Variants in PTPRD observed in about 807,000 individuals in gnomAD.
The protein encoded by PTPRD is protein tyrosine phosphatase receptor type D.
In PTPRD, 34 loss-of-function variants were observed where a neutral mutation model predicts 214.5. The ratio of observed to expected loss-of-function variants is 0.16; its 90% CI spans 0.12 to 0.21. PTPRD has a LOEUF of 0.21. PTPRD is among the 10% of genes least tolerant of loss of function. The pLI is 1.00. For synonymous variants in PTPRD, 1,128 were observed against 845.7 expected, an observed-to-expected ratio of 1.33 and a Z score of -5.79; for missense variants, 2,545 against 2,398.7, an observed-to-expected ratio of 1.06 and a Z score of -1.27.
intron 11 of PTPRD, among the ~76,000 whole-genome samples, chr9:8,923,095 G>A (rs75955466): frequency 0.055 from 8,280 of 150,578 alleles, 428 homozygotes; most frequent in East Asian, 0.2. Context: ...AGGCTGGAGC[G>A]CAATGGTGTG....
chr9:9,431,980 C>T (rs1336983721), intron 8 of PTPRD, among the ~76,000 whole-genome samples: 1 of 150,872 alleles, frequency 6.6e-6, no homozygotes. Context: ...TGCAGCACAC[C>T]ACCATGGCAC....
At chr9:10,007,749 T>G (rs991521706) in intron 4 of PTPRD, among the ~76,000 whole-genome samples, 1 of 151,952 alleles carries the variant, frequency 6.6e-6, no homozygotes, top group African/African-American at 2.4e-5. Flanking sequence ...CTTCAGCATT[T>G]AAAAAAATAT....
At chr9:10,096,205 T>C (rs1434998047) in intron 3 of PTPRD, among the ~76,000 whole-genome samples, 3 of 151,780 alleles carry the variant, frequency 2.0e-5, no homozygotes, top group East Asian at 2.0e-4. Flanking sequence ...TGGTCTGACA[T>C]ATAGAACAGG....
intron 10 of PTPRD, among the ~76,000 whole-genome samples, chr9:9,143,245 G>C (rs1344471178): frequency 6.6e-6 from 1 of 152,078 alleles, no homozygotes; most frequent in Non-Finnish European, 1.5e-5. Flanking sequence ...TAAAATATTT[G>C]TCCCATTTTG....
rs34125624 is a variant in PTPRD at position 9,618,071 on chromosome 9, C to CAAA, written c.-286-43293_-286-43291dup. Among the ~76,000 whole-genome samples, 206 of 23,044 alleles carry CAAA rather than the reference C, an allele frequency of 8.9e-3. 21 individuals carry two copies. Among genetic ancestry groups the CAAA allele is most frequent in the Non-Finnish European group, 0.011 (137 of 12,806 alleles). 15.1% of individuals were successfully genotyped at this position (23,044 alleles called of 152,430 possible). A position where few individuals can be genotyped will look rare whatever the true frequency, so the allele number is the denominator to read the frequency against. ...TGGGCGACAGAGCGAGACTCCATCT[C>CAAA]AAAAAAAAAAAAAAAAAAAAAAAAA... is the stretch of plus-strand genomic sequence containing the variant. On this transcript the variant is annotated intron_variant, in intron 7 of 45. Coordinates refer to ENST00000381196, the MANE Select transcript of PTPRD (RefSeq NM_002839.4).
At chr9:9,416,973 G>A (rs1377959007) in intron 8 of PTPRD, among the ~76,000 whole-genome samples, 2 of 152,074 alleles carry the variant, frequency 1.3e-5, no homozygotes, top group Non-Finnish European at 2.9e-5. Context: ...TAGTTAATCT[G>A]GGTTTCTACT....
chr9:9,174,812 A>G (rs1339103290), intron 10 of PTPRD, among the ~76,000 whole-genome samples: 1 of 152,134 alleles, frequency 6.6e-6, no homozygotes, highest in Non-Finnish European at 1.5e-5. Flanking sequence ...TAATGTGCTA[A>G]TGATTTTCTT....
intron 10 of PTPRD, among the ~76,000 whole-genome samples, chr9:9,129,385 C>CAATAAATA (rs573395972): frequency 6.6e-6 from 1 of 151,972 alleles, no homozygotes; most frequent in Admixed American, 6.6e-5. Context: ...GACTCCGTCT[C>CAATAAATA]AATAAATAAA....
At chr9:10,609,232 G>A (rs995391491) in intron 2 of PTPRD, among the ~76,000 whole-genome samples, 1 of 152,024 alleles carries the variant, frequency 6.6e-6, no homozygotes, top group Non-Finnish European at 1.5e-5. Flanking sequence ...TAGATCAATA[G>A]AGACACATGG....
intron 2 of PTPRD, among the ~76,000 whole-genome samples, chr9:10,538,714 T>C (rs754230527): frequency 2.6e-5 from 4 of 152,176 alleles, no homozygotes; most frequent in Non-Finnish European, 5.9e-5. Flanking sequence ...TCTTTTAGAT[T>C]CCAATCTAAA....
chr9:8,996,477 G>A lies in PTPRD; in HGVS notation c.-104+22220C>T, dbSNP rs78300298. Among the ~76,000 whole-genome samples the A allele has an allele frequency of 4.6e-3, 703 of 152,150 alleles. 17 individuals are homozygous for A. In the East Asian group the frequency reaches 0.054, roughly 12 times the overall value. On this transcript the variant is annotated intron_variant, in intron 11 of 45. Coordinates refer to ENST00000381196, the MANE Select transcript of PTPRD (RefSeq NM_002839.4). ...TGCCTAATGATAGAGGTGGAGAAAG[G>A]CATTGACTGCAAAGAGGAATGAAGG...
intron 9 of PTPRD, among the ~76,000 whole-genome samples, chr9:9,242,578 C>T (rs1237473051): frequency 6.6e-6 from 1 of 152,122 alleles, no homozygotes; most frequent in East Asian, 1.9e-4. Context: ...CTTCTCGCTT[C>T]ATTTCATTCA....
chr9:9,989,557 G>A (rs1201397567), intron 4 of PTPRD, among the ~76,000 whole-genome samples: 1 of 151,954 alleles, frequency 6.6e-6, no homozygotes, highest in African/African-American at 2.4e-5. Context: ...TCCCCTTCTT[G>A]CCGAGAGCCA....
intron 12 of PTPRD, among the ~76,000 whole-genome samples, chr9:8,665,273 T>C (rs2097148387): frequency 6.6e-6 from 1 of 152,218 alleles, no homozygotes; most frequent in Non-Finnish European, 1.5e-5. Context: ...CAGGTCTTAA[T>C]ACTCTCCCAG....
chr9:10,192,752 C>T (rs1420719663), intron 3 of PTPRD, among the ~76,000 whole-genome samples: 1 of 152,132 alleles, frequency 6.6e-6, no homozygotes, highest in Non-Finnish European at 1.5e-5. Flanking sequence ...AGAGAGATAA[C>T]CACTTTCTAT....
chr9:10,300,413 C>A (rs12349023), intron 3 of PTPRD, among the ~76,000 whole-genome samples: 2 of 152,166 alleles, frequency 1.3e-5, no homozygotes, highest in Non-Finnish European at 2.9e-5. Context: ...CAAGACAGAA[C>A]CATTCCCTCC....
chr9:9,356,815 G>C (rs2053974100), intron 9 of PTPRD, among the ~76,000 whole-genome samples: 1 of 151,232 alleles, frequency 6.6e-6, no homozygotes, highest in African/African-American at 2.4e-5. Flanking sequence ...GATCTCCAAG[G>C]TCCATTCTAA....
At chr9:8,759,554 ACT>A (rs2094265584) in intron 11 of PTPRD, among the ~76,000 whole-genome samples, 1 of 147,596 alleles carries the variant, frequency 6.8e-6, no homozygotes, top group Non-Finnish European at 1.5e-5. Context: ...TGTCAATCTT[ACT>A]CTGTTCTAGC....
At chr9:8,338,775 A>T in intron 43 of PTPRD, 147 bp downstream of exon 43, 2 of 613,692 alleles carry the variant, frequency 3.3e-6, no homozygotes, top group South Asian at 3.2e-5. Context: ...TACATATTAA[A>T]CATAAAAAAA....
Sources: allele counts gnomAD v4.1 joint callset (sites outside exome capture counted in the v4.1 genomes callset), GRCh38; gene constraint gnomAD v4.1.1; transcripts MANE v1.5; gene names NCBI Gene and HGNC (gene_info 2026-07-23, HGNC 2026-07-21).